Variants in AFAP1 observed in about 807,000 individuals in gnomAD.
AFAP1 encodes actin filament-associated protein 1.
A neutral mutation model predicts 93.9 loss-of-function variants in AFAP1; 75 were observed. The ratio of observed to expected loss-of-function variants is 0.80; its 90% CI spans 0.66 to 0.97. The LOEUF (loss-of-function observed/expected upper bound fraction) is 0.97. AFAP1 is among the 50% of genes least tolerant of loss of function. AFAP1 has a pLI of 0.00. For synonymous variants in AFAP1, 517 were observed against 430.7 expected, an observed-to-expected ratio of 1.20 and a Z score of -2.48; for missense variants, 1,201 against 1,050.8, an observed-to-expected ratio of 1.14 and a Z score of -1.98.
At chr4:7,769,627 G>A (rs1169250151) in intron 16 of AFAP1, among the ~76,000 whole-genome samples, 1 of 149,012 alleles carries the variant, frequency 6.7e-6, no homozygotes, top group Non-Finnish European at 1.5e-5. Flanking sequence ...TTCCATATGG[G>A]ATCCCAAACT....
At chr4:7,771,954 A>C (rs1455814292) in intron 16 of AFAP1, among the ~76,000 whole-genome samples, 1 of 152,152 alleles carries the variant, frequency 6.6e-6, no homozygotes. Context: ...AAGTGACTGA[A>C]ACTCAGGGCT....
At chr4:7,834,928 C>T (rs1398947019) in intron 6 of AFAP1, among the ~76,000 whole-genome samples, 1 of 150,258 alleles carries the variant, frequency 6.7e-6, no homozygotes, top group Non-Finnish European at 1.5e-5. Context: ...TTAAGGTTAC[C>T]TGGGTGGCTC....
intron 17 of AFAP1, among the ~76,000 whole-genome samples, chr4:7,765,107 C>G (rs1714372934): frequency 2.0e-5 from 3 of 152,084 alleles, no homozygotes; most frequent in African/African-American, 7.2e-5. Flanking sequence ...CTGTCTCAAT[C>G]AATCAATCAA....
chr4:7,876,455 T>G (rs1717511584), intron 1 of AFAP1, among the ~76,000 whole-genome samples: 1 of 152,134 alleles, frequency 6.6e-6, no homozygotes, highest in Admixed American at 6.6e-5. Context: ...AGAAACAGGA[T>G]TCGGTTGGGA....
chr4:7,893,414 A>T (rs1718585986), intron 1 of AFAP1, among the ~76,000 whole-genome samples: 1 of 152,004 alleles, frequency 6.6e-6, no homozygotes, highest in African/African-American at 2.4e-5. Flanking sequence ...CCCCGTCTCT[A>T]CTAAAAAATA....
chr4:7,879,953 C>T (rs193258493), intron 1 of AFAP1, among the ~76,000 whole-genome samples: 1 of 152,210 alleles, frequency 6.6e-6, no homozygotes, highest in Non-Finnish European at 1.5e-5. Context: ...ACATGCGCCC[C>T]GCCGCCCAGC....
At chr4:7,878,128 AC>A (rs1302407360) in intron 1 of AFAP1, among the ~76,000 whole-genome samples, 2 of 152,182 alleles carry the variant, frequency 1.3e-5, no homozygotes, top group Non-Finnish European at 2.9e-5. Flanking sequence ...TTTAATACAA[AC>A]ATGTCTTTCC....
rs368180363 is a variant in AFAP1, at chr4:7,794,987, T to G, written c.1267-1161A>C. ...TTAACTGAATGTTGAAGAAAAAAAT[T>G]TATTGCTTATAAAAATTACTAATTT... is the stretch of plus-strand genomic sequence containing the variant. On this transcript the variant is annotated intron_variant, in intron 10 of 17. Coordinates refer to ENST00000420658, the MANE Select transcript of AFAP1 (RefSeq NM_001134647.2). Among the ~76,000 whole-genome samples the G allele has an allele frequency of 3.9e-5, 6 of 152,328 alleles. No individual in the cohort carries two copies. The East Asian group carries it at 7.7e-4, about 20-fold the overall frequency.
At chr4:7,938,171 TG>T (rs1721500655) in intron 1 of AFAP1, among the ~76,000 whole-genome samples, 1 of 150,734 alleles carries the variant, frequency 6.6e-6, no homozygotes, top group Admixed American at 6.6e-5. Context: ...CGGCGTAGAG[TG>T]GGGGTCTGGG....
At chr4:7,886,775 A>AC (rs1718163153) in intron 1 of AFAP1, among the ~76,000 whole-genome samples, 1 of 152,160 alleles carries the variant, frequency 6.6e-6, no homozygotes, top group Non-Finnish European at 1.5e-5. Flanking sequence ...CAGAAGCCAG[A>AC]CCTCCTGATG....
intron 3 of AFAP1, among the ~76,000 whole-genome samples, chr4:7,865,372 A>G (rs1301305973): frequency 6.6e-6 from 1 of 152,228 alleles, no homozygotes; most frequent in Non-Finnish European, 1.5e-5. Flanking sequence ...TGTAATTCCA[A>G]CACTTAAATC....
chr4:7,872,561 C>A (rs1240111246), intron 1 of AFAP1, among the ~76,000 whole-genome samples: 1 of 152,208 alleles, frequency 6.6e-6, no homozygotes, highest in East Asian at 1.9e-4. Context: ...ACAAAGGAGG[C>A]CAGATGCCGA....
At chr4:7,913,286 A>G (rs1719877760) in intron 1 of AFAP1, among the ~76,000 whole-genome samples, 1 of 149,932 alleles carries the variant, frequency 6.7e-6, no homozygotes, top group Admixed American at 6.7e-5. Flanking sequence ...GCTACTTGGG[A>G]GGCTGAGGTG....
intron 10 of AFAP1, among the ~76,000 whole-genome samples, chr4:7,795,846 T>C (rs937018415): frequency 2.6e-5 from 4 of 152,222 alleles, no homozygotes; most frequent in Non-Finnish European, 5.9e-5. Flanking sequence ...CTTTAGAGTT[T>C]ACCAATTGTT....
intron 1 of AFAP1, among the ~76,000 whole-genome samples, chr4:7,925,303 G>C (rs957179253): frequency 6.6e-6 from 1 of 152,164 alleles, no homozygotes; most frequent in Non-Finnish European, 1.5e-5. Context: ...CGGCTTCCTT[G>C]AGTTCTTCAG....
intron 1 of AFAP1, among the ~76,000 whole-genome samples, chr4:7,906,148 G>A (rs1057175522): frequency 6.6e-6 from 1 of 152,212 alleles, no homozygotes; most frequent in East Asian, 1.9e-4. Flanking sequence ...AAAGCGCCAT[G>A]AGAGTGACCT....
chr4:7,861,423 T>A (rs1299032690), intron 3 of AFAP1, among the ~76,000 whole-genome samples: 3 of 152,216 alleles, frequency 2.0e-5, no homozygotes, highest in African/African-American at 7.2e-5. Flanking sequence ...ACACTAAGAA[T>A]TCTGAGTACA....
chr4:7,799,385 G>C (rs1430068899), intron 10 of AFAP1, among the ~76,000 whole-genome samples: 2 of 152,000 alleles, frequency 1.3e-5, no homozygotes, highest in African/African-American at 4.8e-5. Flanking sequence ...TCCTATGTAT[G>C]AAATTCAAGA....
intron 6 of AFAP1, 33 bp from the exon 7 acceptor site, chr4:7,819,204 C>T (rs1208100533): frequency 6.4e-7 from 1 of 1,563,734 alleles, no homozygotes; most frequent in East Asian, 2.3e-5. Flanking sequence ...GTGAGTATGC[C>T]CAAAGGCAGA....
Sources: allele counts gnomAD v4.1 joint callset (sites outside exome capture counted in the v4.1 genomes callset), GRCh38; gene constraint gnomAD v4.1.1; transcripts MANE v1.5; gene names NCBI Gene and HGNC (gene_info 2026-07-23, HGNC 2026-07-21).